The following ZNF385B variants were observed in gnomAD, a reference collection of about 807,000 sequenced individuals.
ZNF385B encodes zinc finger protein 385B.
Under a neutral mutation model 39.2 loss-of-function variants are expected in ZNF385B, and 23 were observed. The ratio of observed to expected loss-of-function variants is 0.59; its 90% CI spans 0.42 to 0.83. ZNF385B has a LOEUF of 0.83. ZNF385B is among the 40% of genes least tolerant of loss of function. The pLI is 0.00. For missense variants in ZNF385B, 552 were observed against 598.9 expected, an observed-to-expected ratio of 0.92 and a Z score of 0.82; for synonymous variants, 205 against 222.6, an observed-to-expected ratio of 0.92 and a Z score of 0.70.
At chr2:179,673,779 T>A (rs1380890348) in intron 3 of ZNF385B, among the ~76,000 whole-genome samples, 2 of 151,466 alleles carry the variant, frequency 1.3e-5, no homozygotes, top group African/African-American at 2.4e-5. Context: ...AAGACAATAC[T>A]CATATTCTAG....
chr2:179,812,513 C>A (rs544359725), intron 1 of ZNF385B, among the ~76,000 whole-genome samples: 30 of 152,200 alleles, frequency 2.0e-4, no homozygotes, highest in African/African-American at 6.7e-4. Flanking sequence ...CAGCTGGAGG[C>A]CATTAATCTA....
intron 8 of ZNF385B, 112 bp downstream of exon 8, chr2:179,445,438 A>G (rs1344397814): frequency 3.9e-6 from 4 of 1,024,296 alleles, no homozygotes; most frequent in Non-Finnish European, 5.7e-6. Context: ...TGCATCCTAC[A>G]AAAGTTAGTC....
At chr2:179,532,991 A>G (rs2059345977) in intron 4 of ZNF385B, among the ~76,000 whole-genome samples, 2 of 152,166 alleles carry the variant, frequency 1.3e-5, no homozygotes, top group African/African-American at 4.8e-5. Context: ...GCAAATGTAA[A>G]AGGGAGTCTA....
intron 3 of ZNF385B, among the ~76,000 whole-genome samples, chr2:179,645,255 C>T (rs1297688802): frequency 6.6e-6 from 1 of 152,176 alleles, no homozygotes; most frequent in Non-Finnish European, 1.5e-5. Flanking sequence ...CCCAATCTTA[C>T]AAAGCAGAAC....
At chr2:179,534,515 A>G (rs1574655308) in intron 4 of ZNF385B, among the ~76,000 whole-genome samples, 1 of 152,254 alleles carries the variant, frequency 6.6e-6, no homozygotes. Context: ...TCAGTCATAT[A>G]CCCTCAATTC....
At chr2:179,473,367 AG>A (rs1346998406) in intron 6 of ZNF385B, among the ~76,000 whole-genome samples, 1 of 152,184 alleles carries the variant, frequency 6.6e-6, no homozygotes, top group Non-Finnish European at 1.5e-5. Flanking sequence ...GTCAAAATAT[AG>A]GCAGGACCTG....
At chr2:179,485,753 G>A (rs966865836) in intron 5 of ZNF385B, among the ~76,000 whole-genome samples, 12 of 152,094 alleles carry the variant, frequency 7.9e-5, no homozygotes, top group African/African-American at 2.2e-4. Flanking sequence ...ATTCTGCTGT[G>A]TTATTTCTTG....
chr2:179,819,514 C>T (rs1707274655), intron 1 of ZNF385B, among the ~76,000 whole-genome samples: 1 of 152,210 alleles, frequency 6.6e-6, no homozygotes, highest in Admixed American at 6.5e-5. Flanking sequence ...CCTTTCCACC[C>T]CTTCCAAGCC....
intron 3 of ZNF385B, among the ~76,000 whole-genome samples, chr2:179,720,581 G>A (rs1700625980): frequency 6.6e-6 from 1 of 151,384 alleles, no homozygotes; most frequent in Non-Finnish European, 1.5e-5. Flanking sequence ...AAGGGAAAGA[G>A]AAAACACATA....
intron 3 of ZNF385B, among the ~76,000 whole-genome samples, chr2:179,662,358 A>ATTTT (rs202113925): frequency 7.3e-4 from 102 of 139,322 alleles, no homozygotes; most frequent in African/African-American, 2.6e-3. Flanking sequence ...TTTATGGGTA[A>ATTTT]TTTTTTTTTT....
chr2:179,603,993 G>A (rs547116344), intron 3 of ZNF385B, among the ~76,000 whole-genome samples: 16 of 152,208 alleles, frequency 1.1e-4, no homozygotes, highest in African/African-American at 3.6e-4. Flanking sequence ...GGTACAAATA[G>A]GATCAGACTA....
chr2:179,449,111 T>C (rs924068902), intron 6 of ZNF385B, among the ~76,000 whole-genome samples: 1 of 152,032 alleles, frequency 6.6e-6, no homozygotes, highest in Non-Finnish European at 1.5e-5. Context: ...CTAAAGAGAA[T>C]AGTAAATAAA....
chr2:179,518,412 G>T, intron 5 of ZNF385B, 116 bp downstream of exon 5: 1 of 725,448 alleles, frequency 1.4e-6, no homozygotes, highest in Non-Finnish European at 2.2e-6. Context: ...GAAATTAGTG[G>T]GCTACCAATA....
intron 3 of ZNF385B, among the ~76,000 whole-genome samples, chr2:179,738,340 C>CAAATGAAA (rs1411878661): frequency 5.3e-5 from 8 of 152,270 alleles, no homozygotes; most frequent in Admixed American, 5.2e-4. Context: ...TGGTCACCTT[C>CAAATGAAA]AAATGAAAAC....
chr2:179,743,673 A>G (rs1702207530), intron 3 of ZNF385B, among the ~76,000 whole-genome samples: 1 of 152,154 alleles, frequency 6.6e-6, no homozygotes, highest in African/African-American at 2.4e-5. Context: ...AAAATGCATT[A>G]TTCAACCAGG....
At chr2:179,843,321 C>T in intron 1 of ZNF385B, among the ~76,000 whole-genome samples, 1 of 152,196 alleles carries the variant, frequency 6.6e-6, no homozygotes, top group East Asian at 1.9e-4. Flanking sequence ...GAGTAAAAAT[C>T]ACAGCCAATC....
chr2:179,479,550 A>G (rs2053774945), intron 6 of ZNF385B, among the ~76,000 whole-genome samples: 1 of 152,144 alleles, frequency 6.6e-6, no homozygotes, highest in African/African-American at 2.4e-5. Flanking sequence ...GAGCAGAAAG[A>G]GTTCACCAGC....
intron 3 of ZNF385B, chr2:179,637,384 T>C (rs1422074121): frequency 6.6e-6 from 1 of 151,988 alleles, no homozygotes; most frequent in Non-Finnish European, 1.5e-5. Flanking sequence ...AAGAACAAGG[T>C]CATTCTCAAT....
At chr2:179,589,357 C>CATT (rs1687364647) in intron 3 of ZNF385B, among the ~76,000 whole-genome samples, 1 of 152,166 alleles carries the variant, frequency 6.6e-6, no homozygotes, top group South Asian at 2.1e-4. Flanking sequence ...GCTTCCTGTC[C>CATT]ATTATCCCAT....
Sources: gnomAD v4.1 joint callset for allele counts (sites outside exome capture counted in the v4.1 genomes callset) on GRCh38, gnomAD v4.1.1 for gene constraint, MANE v1.5 for transcripts, NCBI Gene and HGNC (gene_info 2026-07-23, HGNC 2026-07-21) for gene names.